The following PKIA variants were observed in gnomAD, a reference collection of about 807,000 sequenced individuals.
PKIA encodes cAMP-dependent protein kinase inhibitor alpha.
PKIA carries 4 observed loss-of-function variants against 7.6 expected under a neutral mutation model. That is an observed-to-expected ratio of 0.52 (90% CI 0.26 to 1.20). PKIA has a LOEUF of 1.20. Ranked by LOEUF, PKIA falls within the 50% of genes most tolerant of loss-of-function variation. The pLI, the probability that PKIA is intolerant of heterozygous loss-of-function variation, is 0.13. For missense variants in PKIA, 73 were observed against 86.2 expected (o/e 0.85, Z 0.61); for synonymous variants, 21 against 30.7 (o/e 0.68, Z 1.04).
intron 1 of PKIA, among the ~76,000 whole-genome samples, chr8:78,529,438 CCACTT>C (rs1239867033): frequency 3.9e-5 from 6 of 151,994 alleles, no homozygotes; most frequent in Non-Finnish European, 7.4e-5. Flanking sequence ...TTTATATCTA[CCACTT>C]CACTTAAGTA....
intron 1 of PKIA, among the ~76,000 whole-genome samples, chr8:78,524,082 A>ATG (rs1554578592): frequency 1.6e-3 from 173 of 111,322 alleles, no homozygotes; most frequent in African/African-American, 8.2e-3. Context: ...ATATAAATAT[A>ATG]AATAAACATT....
chr8:78,587,152 C>CT (rs1227973155), intron 2 of PKIA, among the ~76,000 whole-genome samples: 1 of 152,066 alleles, frequency 6.6e-6, no homozygotes, highest in Admixed American at 6.6e-5. Context: ...TTCTAATATC[C>CT]TTTGAAAATC....
At chr8:78,596,488 C>T (rs768937120) in intron 2 of PKIA, among the ~76,000 whole-genome samples, 14 of 152,182 alleles carry the variant, frequency 9.2e-5, no homozygotes, top group African/African-American at 3.1e-4. Flanking sequence ...ATCCACCCAC[C>T]TTGGCCTCCC....
At chr8:78,554,407 C>T (rs1486722186) in intron 1 of PKIA, among the ~76,000 whole-genome samples, 1 of 151,872 alleles carries the variant, frequency 6.6e-6, no homozygotes, top group Non-Finnish European at 1.5e-5. Flanking sequence ...GAGAGGAAAG[C>T]CACCAATATT....
chr8:78,601,988 A>G lies in PKIA; in HGVS notation c.*167A>G. 3.3e-6 allele frequency: 2 copies of G among 597,310 alleles called. No individual in the cohort carries two copies. The highest frequency in any genetic ancestry group is 5.9e-6 in the Non-Finnish European group (2 of 338,478). 37.0% of individuals were successfully genotyped at this position (597,310 alleles called of 1,614,324 possible). A position where few individuals can be genotyped will look rare whatever the true frequency, so the allele number is the denominator to read the frequency against. ...AAATGAGGGCAGAGGCTGTGGCTGCAGGCAGACTTTTCCCTACCTCTGTCA... is the reference window on the plus strand; with the variant it reads ...AAATGAGGGCAGAGGCTGTGGCTGCGGGCAGACTTTTCCCTACCTCTGTCA... On this transcript the variant is annotated 3_prime_UTR_variant, in exon 4 of 4. Coordinates refer to ENST00000396418, the MANE Select transcript of PKIA (RefSeq NM_006823.4).
intron 2 of PKIA, among the ~76,000 whole-genome samples, chr8:78,584,400 A>G (rs1413217586): frequency 6.6e-6 from 1 of 152,156 alleles, no homozygotes; most frequent in South Asian, 2.1e-4. Context: ...ATAATTTCAC[A>G]TCTGAAACCT....
chr8:78,596,922 C>T (rs1472830618), intron 2 of PKIA, among the ~76,000 whole-genome samples: 2 of 152,150 alleles, frequency 1.3e-5, no homozygotes, highest in African/African-American at 4.8e-5. Flanking sequence ...ATCCCAGCAC[C>T]ATTTATTGAA....
intron 2 of PKIA, among the ~76,000 whole-genome samples, chr8:78,597,370 T>G (rs868629632): frequency 3.8e-4 from 58 of 152,296 alleles, no homozygotes; most frequent in African/African-American, 1.3e-3. Flanking sequence ...TGTTTGTTAC[T>G]CCTCTCAAGT....
At chr8:78,579,442 A>C (rs1807755636) in intron 2 of PKIA, among the ~76,000 whole-genome samples, 1 of 151,264 alleles carries the variant, frequency 6.6e-6, no homozygotes, top group Non-Finnish European at 1.5e-5. Context: ...CCCCTCACAC[A>C]CTCGCCTCTA....
intron 2 of PKIA, among the ~76,000 whole-genome samples, chr8:78,576,602 T>TA (rs1807678930): frequency 6.6e-6 from 1 of 151,902 alleles, no homozygotes; most frequent in Admixed American, 6.6e-5. Flanking sequence ...AAAATAAAAT[T>TA]AAATTAAAAT....
At chr8:78,537,510 C>A (rs1806560125) in intron 1 of PKIA, among the ~76,000 whole-genome samples, 1 of 152,012 alleles carries the variant, frequency 6.6e-6, no homozygotes, top group African/African-American at 2.4e-5. Flanking sequence ...CAAAAGTCTT[C>A]AATTTTATCC....
chr8:78,559,639 T>TA (rs1325871104), intron 1 of PKIA, among the ~76,000 whole-genome samples: 2 of 152,232 alleles, frequency 1.3e-5, no homozygotes, highest in African/African-American at 4.8e-5. Flanking sequence ...GTGATGGAGA[T>TA]AGAGGCTATG....
chr8:78,601,316 G>C (rs1418328435), intron 3 of PKIA, among the ~76,000 whole-genome samples: 2 of 152,074 alleles, frequency 1.3e-5, no homozygotes, highest in Non-Finnish European at 2.9e-5. Context: ...AGAAAATGCA[G>C]TTTTAAAATA....
At chr8:78,599,026 T>C (rs1341347811) in intron 3 of PKIA, among the ~76,000 whole-genome samples, 1 of 152,200 alleles carries the variant, frequency 6.6e-6, no homozygotes, top group South Asian at 2.1e-4. Context: ...ATCTGTTACA[T>C]TAGTAACTCT....
rs1042175968 is a variant in PKIA at position 78,602,800 on chromosome 8, G to T, written c.*979G>T. 9.9e-5 allele frequency: 15 copies of T among 151,440 alleles called. No individual in the cohort carries two copies. The highest frequency in any genetic ancestry group is 3.6e-4 in the African/African-American group (15 of 41,100). 9.4% of individuals were successfully genotyped at this position (151,440 alleles called of 1,614,324 possible). On this transcript the variant is annotated 3_prime_UTR_variant, in exon 4 of 4. Coordinates refer to ENST00000396418, the MANE Select transcript of PKIA (RefSeq NM_006823.4). ...AAGGACTGGAAATATTTTGTTCTAT[G>T]GAATCAAATTTCTCACAATGCTGTA...
intron 2 of PKIA, among the ~76,000 whole-genome samples, chr8:78,586,914 A>T (rs1585922609): frequency 6.6e-6 from 1 of 152,208 alleles, no homozygotes; most frequent in Non-Finnish European, 1.5e-5. Context: ...AGAAATTTAA[A>T]TTATATAATC....
intron 1 of PKIA, chr8:78,535,745 AT>A (rs535480169): frequency 1.3e-5 from 2 of 152,290 alleles, no homozygotes; most frequent in African/African-American, 4.8e-5. Flanking sequence ...AGACAAAAAA[AT>A]AAAAGATAAC....
chr8:78,573,772 T>G (rs1245709388), intron 2 of PKIA, among the ~76,000 whole-genome samples: 1 of 151,996 alleles, frequency 6.6e-6, no homozygotes, highest in Admixed American at 6.6e-5. Context: ...GTGTGTTGGC[T>G]TCTGTAGTCT....
chr8:78,531,163 A>C (rs1395701219), intron 1 of PKIA, among the ~76,000 whole-genome samples: 5 of 152,078 alleles, frequency 3.3e-5, no homozygotes, highest in African/African-American at 1.2e-4. Flanking sequence ...CGGAGTTTTT[A>C]CATTTTTCAT....
Sources: allele counts gnomAD v4.1 joint callset (sites outside exome capture counted in the v4.1 genomes callset), GRCh38; gene constraint gnomAD v4.1.1; transcripts MANE v1.5; gene names NCBI Gene and HGNC (gene_info 2026-07-23, HGNC 2026-07-21).